The following RBFOX1 variants were observed in gnomAD, a reference collection of about 807,000 sequenced individuals.
RBFOX1 encodes RNA binding protein fox-1 homolog 1.
Under a neutral mutation model 57.7 loss-of-function variants are expected in RBFOX1, and 8 were observed. The ratio of observed to expected loss-of-function variants is 0.14; its 90% CI spans 0.08 to 0.25. The LOEUF is 0.25. Ranked by LOEUF, RBFOX1 falls within the 10% of genes least tolerant of loss-of-function variation. RBFOX1 has a pLI of 1.00. For synonymous variants in RBFOX1, 326 were observed against 222.4 expected, an observed-to-expected ratio of 1.47 and a Z score of -4.15; for missense variants, 611 against 548.5, an observed-to-expected ratio of 1.11 and a Z score of -1.14.
At chr16:6,835,873 G>T (rs1260719680) in intron 3 of RBFOX1, among the ~76,000 whole-genome samples, 1 of 151,736 alleles carries the variant, frequency 6.6e-6, no homozygotes, top group Non-Finnish European at 1.5e-5. Context: ...CCTTCCCTAG[G>T]TGGCTCCACC....
At chr16:6,602,823 A>G (rs1181153939) in intron 2 of RBFOX1, among the ~76,000 whole-genome samples, 6 of 152,174 alleles carry the variant, frequency 3.9e-5, no homozygotes, top group African/African-American at 1.2e-4. Flanking sequence ...CAGAAAGACA[A>G]CTGGAGCTCA....
At chr16:6,550,597 A>G (rs59317655) in intron 2 of RBFOX1, among the ~76,000 whole-genome samples, 1 of 152,156 alleles carries the variant, frequency 6.6e-6, no homozygotes, top group Admixed American at 6.5e-5. Context: ...AAGTGCTGGG[A>G]TTACAGGCAT....
intron 4 of RBFOX1, among the ~76,000 whole-genome samples, chr16:7,087,169 G>A (rs1193469363): frequency 6.6e-6 from 1 of 152,104 alleles, no homozygotes; most frequent in Non-Finnish European, 1.5e-5. Context: ...AGGGGAAGCC[G>A]GGTTGCTGCA....
At chr16:5,569,544 AG>A (rs1345537806) in intron 2 of RBFOX1, among the ~76,000 whole-genome samples, 3 of 138,852 alleles carry the variant, frequency 2.2e-5, no homozygotes, top group African/African-American at 7.8e-5. Flanking sequence ...TTCGATTCTC[AG>A]AATAGATCTA....
chr16:7,345,589 C>G, intron 4 of RBFOX1, among the ~76,000 whole-genome samples: 1 of 152,112 alleles, frequency 6.6e-6, no homozygotes, highest in East Asian at 1.9e-4. Flanking sequence ...GATGTGTTCA[C>G]CCATCATACA....
intron 2 of RBFOX1, among the ~76,000 whole-genome samples, chr16:5,502,839 A>G (rs1210630147): frequency 6.6e-6 from 1 of 152,208 alleles, no homozygotes; most frequent in Non-Finnish European, 1.5e-5. Flanking sequence ...GACCCTGAGA[A>G]ATAGCCAGGG....
At chr16:5,625,665 C>A (rs1261014279) in intron 3 of RBFOX1, among the ~76,000 whole-genome samples, 6 of 151,752 alleles carry the variant, frequency 4.0e-5, no homozygotes, top group African/African-American at 1.5e-4. Context: ...TCAAGTGATT[C>A]TCCTTCCTCA....
chr16:6,142,122 G>C lies in RBFOX1; in HGVS notation c.-127+122130G>C, dbSNP rs867910057. On this transcript the variant is annotated intron_variant, in intron 1 of 15. Coordinates refer to ENST00000550418, the MANE Select transcript of RBFOX1 (RefSeq NM_018723.4). ...TGGCCTGTCTTACTTCTCGATCCCT[G>C]ATTAATTTCTCTAAAAAATCAGCTT... Among the ~76,000 whole-genome samples, 6 of 119,280 alleles carry C rather than the reference G, an allele frequency of 5.0e-5. No individual in the cohort carries two copies. The Admixed American group carries it at 5.6e-4, about 11-fold the overall frequency. 78.3% of individuals were successfully genotyped at this position (119,280 alleles called of 152,430 possible). A position where few individuals can be genotyped will look rare whatever the true frequency, so the allele number is the denominator to read the frequency against.
intron 3 of RBFOX1, among the ~76,000 whole-genome samples, chr16:7,017,805 T>G (rs960103251): frequency 1.3e-5 from 2 of 152,190 alleles, no homozygotes; most frequent in Admixed American, 6.5e-5. Flanking sequence ...CGTGGTGTGC[T>G]TAAGCGTTTT....
chr16:5,686,643 T>A (rs186788706), intron 3 of RBFOX1, among the ~76,000 whole-genome samples: 1 of 152,178 alleles, frequency 6.6e-6, no homozygotes, highest in Non-Finnish European at 1.5e-5. Context: ...TTGATTTCTC[T>A]CTATATATTG....
rs556740104 is a variant in RBFOX1 at position 6,294,580 on chromosome 16, C to T, written c.-126-22415C>T. Among the ~76,000 whole-genome samples, 17 of 152,230 alleles carry T rather than the reference C, an allele frequency of 1.1e-4. No individual in the cohort carries two copies. The South Asian group carries it at 2.7e-3, about 24-fold the overall frequency. ...GCCTGCTTGTAGACCAAGTCTAATCCGTCAGCAATTCCTGAGTGCCTACTT... is the reference window on the plus strand; with the variant it reads ...GCCTGCTTGTAGACCAAGTCTAATCTGTCAGCAATTCCTGAGTGCCTACTT... On this transcript the variant is annotated intron_variant, in intron 1 of 15. Coordinates refer to ENST00000550418, the MANE Select transcript of RBFOX1 (RefSeq NM_018723.4).
chr16:6,917,240 C>A (rs2073400386), intron 3 of RBFOX1, among the ~76,000 whole-genome samples: 1 of 152,184 alleles, frequency 6.6e-6, no homozygotes, highest in Non-Finnish European at 1.5e-5. Context: ...TTGGTCCCCG[C>A]TCTCACTGCA....
chr16:5,852,471 A>G (rs1399575754), intron 3 of RBFOX1, among the ~76,000 whole-genome samples: 2 of 152,192 alleles, frequency 1.3e-5, no homozygotes, highest in African/African-American at 2.4e-5. Flanking sequence ...GAAGCATGCA[A>G]AGTGCACTTT....
At chr16:7,029,902 C>T (rs1216973803) in intron 3 of RBFOX1, among the ~76,000 whole-genome samples, 1 of 152,092 alleles carries the variant, frequency 6.6e-6, no homozygotes, top group African/African-American at 2.4e-5. Flanking sequence ...CCAGCAAATG[C>T]CATTTCTTCT....
intron 14 of RBFOX1, among the ~76,000 whole-genome samples, chr16:7,683,033 T>TATATATATATATATATATAA (rs374375329): frequency 7.4e-4 from 19 of 25,824 alleles, no homozygotes; most frequent in Non-Finnish European, 1.4e-3. Context: ...TATATATATA[T>TATATATATATATATATATAA]AAAACAGTGC....
chr16:7,668,463 T>C (rs75464384), intron 13 of RBFOX1, among the ~76,000 whole-genome samples: 2,320 of 152,200 alleles, frequency 0.015, 53 homozygotes, highest in African/African-American at 0.053. Flanking sequence ...GGACAGCTCA[T>C]TTGGGCAGAG....
intron 2 of RBFOX1, among the ~76,000 whole-genome samples, chr16:6,536,844 A>T (rs997987441): frequency 6.6e-6 from 1 of 152,204 alleles, no homozygotes; most frequent in South Asian, 2.1e-4. Flanking sequence ...TATTTTACTC[A>T]TGGGAATTAA....
At chr16:6,530,513 C>G (rs1450918156) in intron 2 of RBFOX1, among the ~76,000 whole-genome samples, 1 of 152,128 alleles carries the variant, frequency 6.6e-6, no homozygotes, top group Admixed American at 6.6e-5. Context: ...ACAGATACCT[C>G]AAATAGACAT....
At chr16:6,767,330 G>A (rs779143205) in intron 3 of RBFOX1, among the ~76,000 whole-genome samples, 30 of 152,232 alleles carry the variant, frequency 2.0e-4, no homozygotes, top group Middle Eastern at 3.4e-3. Context: ...CATTGAGCCT[G>A]AAATTGATGG....
Sources: gnomAD v4.1 joint callset for allele counts (sites outside exome capture counted in the v4.1 genomes callset) on GRCh38, gnomAD v4.1.1 for gene constraint, MANE v1.5 for transcripts, NCBI Gene and HGNC (gene_info 2026-07-23, HGNC 2026-07-21) for gene names.